The following AK9 variants were observed in gnomAD, a reference collection of about 807,000 sequenced individuals.
The protein encoded by AK9 is adenylate kinase domain containing 1.
A neutral mutation model predicts 239.6 loss-of-function variants in AK9; 191 were observed. That is an observed-to-expected ratio of 0.80 (90% CI 0.71 to 0.90). The LOEUF is 0.90. AK9 is among the 40% of genes least tolerant of loss of function. The pLI is 0.00. For missense variants in AK9, 1,995 were observed against 2,214.7 expected, an observed-to-expected ratio of 0.90 and a Z score of 1.99; for synonymous variants, 689 against 721.0, an observed-to-expected ratio of 0.96 and a Z score of 0.71.
intron 20 of AK9, among the ~76,000 whole-genome samples, chr6:109,578,066 G>A (rs899392992): frequency 6.6e-6 from 1 of 151,578 alleles, no homozygotes; most frequent in Non-Finnish European, 1.5e-5. Flanking sequence ...CAAGTAGCTG[G>A]GATTACAGGC....
At chr6:109,499,751 A>G (rs958395856) in intron 35 of AK9, among the ~76,000 whole-genome samples, 1 of 152,086 alleles carries the variant, frequency 6.6e-6, no homozygotes, top group Non-Finnish European at 1.5e-5. Context: ...GATGTGTACC[A>G]TCACAGACGG....
chr6:109,676,149 G>T (rs139400977), intron 1 of AK9, among the ~76,000 whole-genome samples: 70 of 152,168 alleles, frequency 4.6e-4, no homozygotes, highest in Middle Eastern at 3.4e-3. Context: ...AAATGTATTA[G>T]ATTCATATTT....
chr6:109,659,761 A>G lies in AK9; in HGVS notation c.445-348T>C, dbSNP rs184486076. ...ACACAGAATTCTATGATTAGCTTGA[A>G]AAGTTTACGAATGGAGCAAAATGGG... On this transcript the variant is annotated intron_variant, in intron 6 of 40. Coordinates refer to ENST00000424296, the MANE Select transcript of AK9 (RefSeq NM_001145128.3). Among the ~76,000 whole-genome samples the G allele has an allele frequency of 4.6e-5, 7 of 152,300 alleles. No homozygotes were observed. The East Asian group carries it at 1.3e-3, about 29-fold the overall frequency.
At chr6:109,553,795 C>T (rs939576735) in intron 24 of AK9, among the ~76,000 whole-genome samples, 2 of 152,108 alleles carry the variant, frequency 1.3e-5, no homozygotes, top group African/African-American at 2.4e-5. Flanking sequence ...TCAAAGGGAA[C>T]GCTTCCAGCT....
At chr6:109,618,512 G>A (rs1794449190) in intron 13 of AK9, among the ~76,000 whole-genome samples, 2 of 152,018 alleles carry the variant, frequency 1.3e-5, no homozygotes. Context: ...GAATGGTCAG[G>A]AGAAAGACCA....
At chr6:109,541,437 T>C (rs1782868441) in intron 27 of AK9, among the ~76,000 whole-genome samples, 1 of 152,146 alleles carries the variant, frequency 6.6e-6, no homozygotes, top group Non-Finnish European at 1.5e-5. Context: ...TGAGATGGAG[T>C]TTCACTATTG....
At chr6:109,645,595 C>A (rs1181791760) in intron 8 of AK9, among the ~76,000 whole-genome samples, 1 of 152,074 alleles carries the variant, frequency 6.6e-6, no homozygotes, top group Non-Finnish European at 1.5e-5. Flanking sequence ...TCAACGAGGC[C>A]TGCCTGCCTC....
At chr6:109,632,810 T>C in intron 12 of AK9, 113 bp downstream of exon 12, 1 of 1,375,006 alleles carries the variant, frequency 7.3e-7, no homozygotes, top group Non-Finnish European at 9.4e-7. Flanking sequence ...AAAAACTGAG[T>C]ACAAATAAAA....
At chr6:109,626,582 A>C (rs1005034265) in intron 12 of AK9, among the ~76,000 whole-genome samples, 1 of 152,186 alleles carries the variant, frequency 6.6e-6, no homozygotes, top group African/African-American at 2.4e-5. Context: ...ACTTACACAA[A>C]CTTAGAGGGT....
chr6:109,657,528 A>C lies in AK9; in HGVS notation c.631-644T>G, dbSNP rs117954361. 1.8e-3 allele frequency among the ~76,000 whole-genome samples: 273 copies of C among 148,972 alleles called. 6 individuals are homozygous for C. The East Asian group carries it at 0.045, about 25-fold the overall frequency. On this transcript the variant is annotated intron_variant, in intron 7 of 40. Coordinates refer to ENST00000424296, the MANE Select transcript of AK9 (RefSeq NM_001145128.3). ...AATCTGAAGGAAATGAGGGAGAGAG[A>C]ACTGCCACACAAGTTTCTTTCTTTT... is the stretch of plus-strand genomic sequence containing the variant.
chr6:109,570,877 G>A (rs1273254509), intron 21 of AK9, among the ~76,000 whole-genome samples: 1 of 152,072 alleles, frequency 6.6e-6, no homozygotes, highest in Admixed American at 6.6e-5. Flanking sequence ...TACCAGCAAA[G>A]TTTTAACAAA....
chr6:109,685,104 A>G (rs1773311267), intron 1 of AK9, among the ~76,000 whole-genome samples: 1 of 152,052 alleles, frequency 6.6e-6, no homozygotes, highest in Non-Finnish European at 1.5e-5. Context: ...GATGTGGAGA[A>G]ATAGAGACGC....
chr6:109,641,284 T>A (rs1342394979), intron 10 of AK9, among the ~76,000 whole-genome samples: 1 of 149,660 alleles, frequency 6.7e-6, no homozygotes, highest in Non-Finnish European at 1.5e-5. Context: ...TCCTCCCGTC[T>A]CAGCTCCTGA....
chr6:109,679,857 A>C (rs1417520675), intron 1 of AK9, among the ~76,000 whole-genome samples: 1 of 152,228 alleles, frequency 6.6e-6, no homozygotes, highest in Non-Finnish European at 1.5e-5. Flanking sequence ...GAACTGTAGC[A>C]GAGGGACCTG....
intron 24 of AK9, among the ~76,000 whole-genome samples, chr6:109,551,828 T>G (rs928431431): frequency 6.6e-6 from 1 of 151,450 alleles, no homozygotes; most frequent in Non-Finnish European, 1.5e-5. Flanking sequence ...TAGGTACACA[T>G]GTGCCATGGT....
chr6:109,613,362 T>C (rs1793799460), intron 15 of AK9, among the ~76,000 whole-genome samples: 1 of 151,640 alleles, frequency 6.6e-6, no homozygotes, highest in South Asian at 2.1e-4. Context: ...ACAAAAATAG[T>C]CACCTCAAAA....
intron 12 of AK9, among the ~76,000 whole-genome samples, chr6:109,623,104 GC>G (rs139101622): frequency 0.011 from 1,653 of 152,026 alleles, 28 homozygotes; most frequent in African/African-American, 0.038. Context: ...TCTGTGAATT[GC>G]CTGTTTGATT....
Position 109,599,793 on chromosome 6 carries a change from A to C in AK9, c.1842+10572T>G, listed in dbSNP as rs189756104. On this transcript the variant is annotated intron_variant, in intron 17 of 40. Coordinates refer to ENST00000424296, the MANE Select transcript of AK9 (RefSeq NM_001145128.3). ...TTCTCCTTGAAGAGGTCCTTCACAT[A>C]CCTTGTAAGTTGGATTCCTAGGTAT... Among the ~76,000 whole-genome samples the C allele has an allele frequency of 9.8e-3, 1,489 of 152,042 alleles. 7 individuals carry two copies. Among genetic ancestry groups the C allele is most frequent in the African/African-American group, 0.013 (553 of 41,468 alleles).
intron 13 of AK9, 76 bp from the exon 14 acceptor site, chr6:109,614,556 T>A (rs1793942161): frequency 8.4e-7 from 1 of 1,184,874 alleles, no homozygotes; most frequent in Non-Finnish European, 1.2e-6. Flanking sequence ...CAAAAGCCCC[T>A]GCTTCAAAGT....
Sources: allele counts gnomAD v4.1 joint callset (sites outside exome capture counted in the v4.1 genomes callset), GRCh38; gene constraint gnomAD v4.1.1; transcripts MANE v1.5; gene names NCBI Gene and HGNC (gene_info 2026-07-23, HGNC 2026-07-21).